PLEKHA5: variants seen among roughly 807,000 people sequenced by gnomAD.
PLEKHA5 encodes the protein pleckstrin homology domain-containing family A member 5.
In PLEKHA5, 55 loss-of-function variants were observed where a neutral mutation model predicts 181.9. The ratio of observed to expected loss-of-function variants is 0.30; its 90% CI spans 0.24 to 0.38. The LOEUF is 0.38. Ranked by LOEUF, PLEKHA5 falls within the 10% of genes least tolerant of loss-of-function variation. The pLI, the probability that PLEKHA5 is intolerant of heterozygous loss-of-function variation, is 1.00. For synonymous variants in PLEKHA5, 535 were observed against 529.4 expected (o/e 1.01, Z -0.15); for missense variants, 1,432 against 1,549.5 (o/e 0.92, Z 1.27).
At chr12:19,258,167 C>A (rs2067355913) in intron 6 of PLEKHA5, among the ~76,000 whole-genome samples, 1 of 151,942 alleles carries the variant, frequency 6.6e-6, no homozygotes, top group Admixed American at 6.6e-5. Context: ...TCTTTTGGAA[C>A]CTTATTAGTT....
chr12:19,136,720 C>T (rs908004946), intron 3 of PLEKHA5, among the ~76,000 whole-genome samples: 1 of 152,054 alleles, frequency 6.6e-6, no homozygotes, highest in African/African-American at 2.4e-5. Context: ...ACAATATTTG[C>T]GGGGGTAAAA....
chr12:19,214,065 A>C (rs1592087555), intron 3 of PLEKHA5, among the ~76,000 whole-genome samples: 1 of 152,212 alleles, frequency 6.6e-6, no homozygotes, highest in Non-Finnish European at 1.5e-5. Context: ...GTTAATAAGG[A>C]ATGGATTGAA....
rs927931681 is a variant in PLEKHA5 at position 19,325,486 on chromosome 12, G to A, written c.2448+2819G>A. 2.3e-4 allele frequency among the ~76,000 whole-genome samples: 35 copies of A among 151,320 alleles called. 1 individual carries two copies. Among genetic ancestry groups the A allele is most frequent in the African/African-American group, 7.3e-4 (30 of 41,110 alleles). ...GGGCGGATCACAAGGTCAGGAGTTC[G>A]AGACCAGACTGGCTGACACGGTGAA... On this transcript the variant is annotated intron_variant, in intron 20 of 31. Transcript: ENST00000429027.
At position 19,194,583 on chromosome 12, in the gene PLEKHA5, A is replaced by G. The variant is rs185069256; in HGVS notation, c.228-59357A>G. On this transcript the variant is annotated intron_variant, in intron 3 of 31. Transcript: ENST00000429027. ...ACCAAGTGATTTTTTTAAATATGAA[A>G]GAATGGTCTGGAGAAATGCCCCTCA... is the stretch of plus-strand genomic sequence containing the variant. Among the ~76,000 whole-genome samples, 438 of 152,312 alleles carry G rather than the reference A, an allele frequency of 2.9e-3. 2 individuals carry two copies. Among genetic ancestry groups the G allele is most frequent in the Admixed American group, 5.2e-3 (79 of 15,294 alleles).
At chr12:19,200,247 A>T in intron 3 of PLEKHA5, 1 of 1,019,824 alleles carries the variant, frequency 9.8e-7, no homozygotes, top group Non-Finnish European at 1.4e-6. Flanking sequence ...CATCCCCCTT[A>T]AATATGTATA....
chr12:19,338,076 G>A (rs2093596686), intron 21 of PLEKHA5, among the ~76,000 whole-genome samples: 1 of 151,762 alleles, frequency 6.6e-6, no homozygotes, highest in South Asian at 2.1e-4. Context: ...CAGAAATTCA[G>A]CTGCCCTCTA....
chr12:19,194,264 G>A (rs1031309911), intron 3 of PLEKHA5, among the ~76,000 whole-genome samples: 4 of 152,072 alleles, frequency 2.6e-5, no homozygotes, highest in African/African-American at 4.8e-5. Context: ...ATGTTGCTGC[G>A]AAAGAAATGA....
chr12:19,322,835 A>G (rs937030492), intron 20 of PLEKHA5, among the ~76,000 whole-genome samples, 168 bp downstream of exon 20: 6 of 152,006 alleles, frequency 3.9e-5, no homozygotes, highest in Non-Finnish European at 8.8e-5. Flanking sequence ...AAATTAAAAG[A>G]TTATTTAATT....
At chr12:19,350,376 A>T (rs972196477) in intron 25 of PLEKHA5, among the ~76,000 whole-genome samples, 1 of 152,246 alleles carries the variant, frequency 6.6e-6, no homozygotes, top group Non-Finnish European at 1.5e-5. Context: ...TGTAAGTGTG[A>T]CAAAATGTAA....
At chr12:19,221,904 C>T (rs967009847) in intron 3 of PLEKHA5, among the ~76,000 whole-genome samples, 28 of 152,038 alleles carry the variant, frequency 1.8e-4, no homozygotes, top group African/African-American at 6.8e-4. Context: ...TATCCTACAA[C>T]AGAAAAAGCA....
intron 3 of PLEKHA5, among the ~76,000 whole-genome samples, chr12:19,141,466 G>A (rs1465099591): frequency 6.6e-6 from 1 of 152,192 alleles, no homozygotes; most frequent in Non-Finnish European, 1.5e-5. Flanking sequence ...TGGAAGTCAA[G>A]ATGTGAAAGA....
At chr12:19,293,985 A>T (rs1490333530) in intron 15 of PLEKHA5, among the ~76,000 whole-genome samples, 1 of 152,132 alleles carries the variant, frequency 6.6e-6, no homozygotes, top group East Asian at 1.9e-4. Context: ...TCAACATCTC[A>T]CCAAAGCTTT....
chr12:19,333,355 G>A lies in PLEKHA5; in HGVS notation c.2449-3160G>A, dbSNP rs571120463. Among the ~76,000 whole-genome samples the A allele has an allele frequency of 5.9e-5, 9 of 151,824 alleles. No homozygotes were observed. In the East Asian group the frequency reaches 1.2e-3, roughly 20 times the overall value. ...AGCACTTTGGGAGGCTGAGGCAGGC[G>A]GATCATGAGGTCAGGAGATTAAGAC... On this transcript the variant is annotated intron_variant, in intron 20 of 31. Transcript: ENST00000429027.
chr12:19,204,767 T>G (rs1049136580), intron 3 of PLEKHA5, among the ~76,000 whole-genome samples: 1 of 152,114 alleles, frequency 6.6e-6, no homozygotes, highest in African/African-American at 2.4e-5. Context: ...ATAAATACAT[T>G]GAACATTTCA....
At chr12:19,180,997 A>G (rs1215210049) in intron 3 of PLEKHA5, among the ~76,000 whole-genome samples, 2 of 151,628 alleles carry the variant, frequency 1.3e-5, no homozygotes, top group African/African-American at 4.8e-5. Flanking sequence ...ACCATTCTAA[A>G]GTTTTATATG....
intron 7 of PLEKHA5, among the ~76,000 whole-genome samples, chr12:19,261,645 C>T (rs1186188864): frequency 6.6e-6 from 1 of 152,152 alleles, no homozygotes; most frequent in African/African-American, 2.4e-5. Flanking sequence ...AAAAGTCTGT[C>T]TCAGCTATAG....
intron 3 of PLEKHA5, chr12:19,201,909 C>G: frequency 4.2e-6 from 1 of 235,864 alleles, no homozygotes. Flanking sequence ...TGTAAATTCA[C>G]TAAAAGTCAC....
intron 22 of PLEKHA5, 148 bp downstream of exon 22, chr12:19,343,582 T>A: frequency 1.6e-6 from 1 of 640,722 alleles, no homozygotes; most frequent in Non-Finnish European, 2.8e-6. Context: ...TTGTATGGCC[T>A]ACTACACACC....
intron 3 of PLEKHA5, among the ~76,000 whole-genome samples, chr12:19,175,430 G>C (rs2046947699): frequency 6.6e-6 from 1 of 152,070 alleles, no homozygotes; most frequent in Non-Finnish European, 1.5e-5. Context: ...AATATATGTA[G>C]CAATAGATTT....
Sources: allele counts gnomAD v4.1 joint callset (sites outside exome capture counted in the v4.1 genomes callset), GRCh38; gene constraint gnomAD v4.1.1; transcripts MANE v1.5; gene names NCBI Gene and HGNC (gene_info 2026-07-23, HGNC 2026-07-21).